AVL9: variants seen among roughly 807,000 people sequenced by gnomAD.
AVL9 encodes the protein late secretory pathway protein AVL9 homolog.
Under a neutral mutation model 79.2 loss-of-function variants are expected in AVL9, and 49 were observed. That is an observed-to-expected ratio of 0.62 (90% CI 0.49 to 0.79). The LOEUF (loss-of-function observed/expected upper bound fraction) is 0.79, where lower values mean the gene tolerates loss of function less well. Among genes scored for constraint, AVL9 ranks in the 30% least tolerant of loss-of-function variants. The probability of loss-of-function intolerance (pLI) is 0.00; values close to 1 mark genes in which losing one functional copy is unlikely to be tolerated. For synonymous variants in AVL9, 299 were observed against 280.6 expected, an observed-to-expected ratio of 1.07 and a Z score of -0.65; for missense variants, 682 against 776.8, an observed-to-expected ratio of 0.88 and a Z score of 1.45.
chr7:32,512,409 C>A (rs895143470), intron 1 of AVL9, among the ~76,000 whole-genome samples: 1 of 152,122 alleles, frequency 6.6e-6, no homozygotes, highest in Non-Finnish European at 1.5e-5. Flanking sequence ...GTTATTTTAT[C>A]GATGAGGACA....
chr7:32,585,862 C>T lies in AVL9; in HGVS notation c.*1955C>T, dbSNP rs908777064. 6.6e-6 allele frequency: 1 copy of T among 152,210 alleles called. No individual in the cohort carries two copies. Among genetic ancestry groups the T allele is most frequent in the African/African-American group, 2.4e-5 (1 of 41,450 alleles). The allele number at this position is 152,210 out of a possible 1,614,324, so 9.4% of individuals were successfully genotyped here. ...AGTAGTACCAAACAAAAACCTTAAACAGTACTTGAATCTTTTTTGCGCTGA... is the reference window on the plus strand; with the variant it reads ...AGTAGTACCAAACAAAAACCTTAAATAGTACTTGAATCTTTTTTGCGCTGA... On this transcript the variant is annotated 3_prime_UTR_variant, in exon 16 of 16. Coordinates refer to ENST00000318709, the MANE Select transcript of AVL9 (RefSeq NM_015060.3).
chr7:32,543,084 G>T, intron 1 of AVL9, 57 bp from the exon 2 acceptor site: 1 of 1,605,674 alleles, frequency 6.2e-7, no homozygotes. Context: ...TTACCTATCA[G>T]AATAAAATGC....
chr7:32,499,166 G>T (rs113971113), intron 1 of AVL9, among the ~76,000 whole-genome samples: 3 of 151,684 alleles, frequency 2.0e-5, no homozygotes. Context: ...GTCTCAAAAC[G>T]AAACAAAACA....
chr7:32,498,237 ATTTTTTTT>A (rs10547851), intron 1 of AVL9, among the ~76,000 whole-genome samples: 2 of 89,814 alleles, frequency 2.2e-5, no homozygotes, highest in East Asian at 7.0e-4. Flanking sequence ...AAGTCCTCAG[ATTTTTTTT>A]TTTTTTTTTT....
intron 1 of AVL9, among the ~76,000 whole-genome samples, chr7:32,516,092 C>T (rs1392745152): frequency 6.6e-6 from 1 of 152,182 alleles, no homozygotes; most frequent in African/African-American, 2.4e-5. Flanking sequence ...TGTGGAGTTT[C>T]AAGAGTCATG....
chr7:32,516,972 T>C (rs778220270), intron 1 of AVL9, among the ~76,000 whole-genome samples: 3 of 152,328 alleles, frequency 2.0e-5, no homozygotes, highest in Non-Finnish European at 4.4e-5. Context: ...TCCTAAGTTA[T>C]CTATCTCTTT....
chr7:32,566,668 G>C (rs1445794443), intron 10 of AVL9, among the ~76,000 whole-genome samples: 1 of 152,102 alleles, frequency 6.6e-6, no homozygotes, highest in Non-Finnish European at 1.5e-5. Context: ...CACGAGGTCA[G>C]GAGATCGAGA....
In AVL9 at chr7:32,523,477, A is replaced by G. The variant is rs150834538; in HGVS notation, c.94-19664A>G. ...AAAGTTCCTGGGACCAAAACATTAA[A>G]AACATACATGTTAATAGAATTATAA... On this transcript the variant is annotated intron_variant, in intron 1 of 15. Coordinates refer to ENST00000318709, the MANE Select transcript of AVL9 (RefSeq NM_015060.3). 1.3e-3 allele frequency among the ~76,000 whole-genome samples: 199 copies of G among 151,116 alleles called. 1 individual carries two copies. The highest frequency in any genetic ancestry group is 6.2e-4 in the Non-Finnish European group (42 of 67,794).
At chr7:32,549,383 C>G (rs1272106979) in intron 4 of AVL9, among the ~76,000 whole-genome samples, 1 of 151,476 alleles carries the variant, frequency 6.6e-6, no homozygotes, top group African/African-American at 2.4e-5. Context: ...CACTACCATG[C>G]CTGGCTAATA....
At chr7:32,558,347 G>A (rs964412889) in intron 8 of AVL9, among the ~76,000 whole-genome samples, 3 of 151,692 alleles carry the variant, frequency 2.0e-5, no homozygotes, top group Non-Finnish European at 4.4e-5. Flanking sequence ...TAGTAGAGAC[G>A]GGGTTTCACC....
chr7:32,516,387 C>G (rs934200356), intron 1 of AVL9, among the ~76,000 whole-genome samples: 1 of 152,112 alleles, frequency 6.6e-6, no homozygotes, highest in Non-Finnish European at 1.5e-5. Context: ...CAAAATTAAT[C>G]TTGATTGGCT....
chr7:32,536,959 G>A (rs1054243619), intron 1 of AVL9: 1 of 152,206 alleles, frequency 6.6e-6, no homozygotes, highest in Non-Finnish European at 1.5e-5. Context: ...GCACTTTGAT[G>A]TGTTCAACAA....
chr7:32,569,146 CTG>C (rs1415837096), intron 10 of AVL9, among the ~76,000 whole-genome samples: 1 of 152,152 alleles, frequency 6.6e-6, no homozygotes, highest in Non-Finnish European at 1.5e-5. Context: ...TGACATAATT[CTG>C]TGTTTTAAAA....
Position 32,583,962 on chromosome 7 carries a change from C to T in AVL9, c.*55C>T. 1.6e-6 allele frequency: 2 copies of T among 1,283,226 alleles called. No homozygotes were observed. Among genetic ancestry groups the T allele is most frequent in the Non-Finnish European group, 2.3e-6 (2 of 882,266 alleles). The allele number at this position is 1,283,226 out of a possible 1,614,324, so 79.5% of individuals were successfully genotyped here. On this transcript the variant is annotated 3_prime_UTR_variant, in exon 16 of 16. Coordinates refer to ENST00000318709, the MANE Select transcript of AVL9 (RefSeq NM_015060.3). Reference sequence around the variant, plus strand: ...TGAGGTTTAAGTGTCCCCTGTCTGTCTGCTGCTCCCAGGCTGTTACTAGCC... The same window carrying T: ...TGAGGTTTAAGTGTCCCCTGTCTGTTTGCTGCTCCCAGGCTGTTACTAGCC...
chr7:32,537,499 G>C (rs1583537962), intron 1 of AVL9: 1 of 106,898 alleles, frequency 9.4e-6, no homozygotes, highest in African/African-American at 3.6e-5. Context: ...GAGTCTCTCT[G>C]TTGCCCAGGC....
At chr7:32,541,716 A>AT (rs71559233) in intron 1 of AVL9, among the ~76,000 whole-genome samples, 49,404 of 144,948 alleles carry the variant, frequency 0.34, 8,612 homozygotes, top group East Asian at 0.48. Context: ...CCTTCAGTTA[A>AT]TTTTTTTTTT....
At chr7:32,538,318 C>A (rs7780544) in intron 1 of AVL9, 1 of 151,982 alleles carries the variant, frequency 6.6e-6, no homozygotes, top group African/African-American at 2.4e-5. Flanking sequence ...TTGTGATTGT[C>A]TTATTTATTT....
At chr7:32,555,391 A>C (rs1295772422) in intron 8 of AVL9, among the ~76,000 whole-genome samples, 1 of 152,210 alleles carries the variant, frequency 6.6e-6, no homozygotes, top group African/African-American at 2.4e-5. Context: ...GTTTGGGCCT[A>C]TTACAGGCCA....
chr7:32,497,765 C>T (rs535499313), intron 1 of AVL9, among the ~76,000 whole-genome samples: 2 of 152,100 alleles, frequency 1.3e-5, no homozygotes, highest in East Asian at 3.9e-4. Context: ...CATTCTCCTG[C>T]CTCAGCCTCC....
Sources: allele counts gnomAD v4.1 joint callset (sites outside exome capture counted in the v4.1 genomes callset), GRCh38; gene constraint gnomAD v4.1.1; transcripts MANE v1.5; gene names NCBI Gene and HGNC (gene_info 2026-07-23, HGNC 2026-07-21).